Variants in AFF2 observed in about 807,000 individuals in gnomAD.
AFF2 encodes AF4/FMR2 family member 2.
In AFF2, 14 loss-of-function variants were observed where a neutral mutation model predicts 76.9. The observed-to-expected ratio is 0.18, with a 90% CI of 0.12 to 0.28. The LOEUF (loss-of-function observed/expected upper bound fraction) is 0.28, where lower values mean the gene tolerates loss of function less well. Ranked by LOEUF, AFF2 falls within the 10% of genes least tolerant of loss-of-function variation. The pLI, the probability that AFF2 is intolerant of heterozygous loss-of-function variation, is 1.00. For missense variants in AFF2, 868 were observed against 1,001.1 expected (o/e 0.87, Z 1.79); for synonymous variants, 398 against 366.7 (o/e 1.09, Z -0.98).
intron 3 of AFF2, among the ~76,000 whole-genome samples, chrX:148,787,899 G>T (rs986911589): frequency 8.9e-6 from 1 of 112,384 alleles, no homozygotes; most frequent in Admixed American, 9.4e-5. Context: ...TCTAGAGCAA[G>T]GGAGTTATAT....
At chrX:148,652,727 T>C (rs910787915) in intron 2 of AFF2, among the ~76,000 whole-genome samples, 1 of 111,693 alleles carries the variant, frequency 9.0e-6, no homozygotes, top group Non-Finnish European at 1.9e-5. Context: ...CTGACTAGTG[T>C]GTAGCTCCAA....
chrX:148,733,221 T>C (rs2055248246), intron 3 of AFF2, among the ~76,000 whole-genome samples: 2 of 111,872 alleles, frequency 1.8e-5, no homozygotes, highest in Admixed American at 1.9e-4. Context: ...CTTGGCGTTA[T>C]GTGTTAAGAA....
At chrX:148,504,675 C>T (rs1475524528) in intron 1 of AFF2, among the ~76,000 whole-genome samples, 1 of 113,276 alleles carries the variant, frequency 8.8e-6, no homozygotes, top group East Asian at 2.8e-4. Context: ...CCCCCAGGGC[C>T]TGCCCCAGCA....
At chrX:148,764,247 CATT>C (rs1205749992) in intron 3 of AFF2, among the ~76,000 whole-genome samples, 2 of 112,049 alleles carry the variant, frequency 1.8e-5, no homozygotes, top group Non-Finnish European at 3.8e-5. Context: ...ACATTTACAT[CATT>C]GAGTGCAAAG....
intron 4 of AFF2, among the ~76,000 whole-genome samples, chrX:148,816,348 T>C (rs1209412401): frequency 9.0e-6 from 1 of 111,578 alleles, no homozygotes; most frequent in Non-Finnish European, 1.9e-5. Context: ...CTCTCGTTTG[T>C]CATTAGAAGC....
chrX:148,520,298 C>T (rs2052581000), intron 1 of AFF2, among the ~76,000 whole-genome samples: 1 of 112,279 alleles, frequency 8.9e-6, no homozygotes, highest in South Asian at 3.6e-4. Flanking sequence ...GTTCTAGAAG[C>T]TTTTGTGAAT....
intron 3 of AFF2, among the ~76,000 whole-genome samples, chrX:148,779,058 G>T (rs975078824): frequency 4.5e-5 from 5 of 111,222 alleles, no homozygotes; most frequent in Non-Finnish European, 1.9e-5. Context: ...GTTCTCATTG[G>T]TTTCAAAAAA....
chrX:148,790,788 C>T (rs1379539505), intron 3 of AFF2, among the ~76,000 whole-genome samples: 1 of 111,586 alleles, frequency 9.0e-6, no homozygotes, highest in Admixed American at 9.5e-5. Context: ...ATCACCATGG[C>T]ACATGTTTAC....
At chrX:148,600,707 C>T (rs373783040) in intron 1 of AFF2, among the ~76,000 whole-genome samples, 7 of 111,828 alleles carry the variant, frequency 6.3e-5, no homozygotes, top group African/African-American at 2.3e-4. Flanking sequence ...AGAACCTACT[C>T]TTACTTGTTC....
At chrX:148,515,730 T>C (rs1227270305) in intron 1 of AFF2, among the ~76,000 whole-genome samples, 7 of 111,811 alleles carry the variant, frequency 6.3e-5, no homozygotes, top group African/African-American at 2.3e-4. Context: ...GTGCAATGTA[T>C]GATGTGTAAA....
chrX:148,837,105 A>G (rs782531029), intron 4 of AFF2, among the ~76,000 whole-genome samples: 7 of 111,735 alleles, frequency 6.3e-5, no homozygotes, highest in Non-Finnish European at 1.1e-4. Flanking sequence ...CACACGTGGA[A>G]CAGGATACCA....
rs144212876 is a variant in AFF2 at position 148,895,396 on chromosome X, T to C, written c.1360-8825T>C. 3.6e-5 allele frequency among the ~76,000 whole-genome samples: 4 copies of C among 111,910 alleles called. No individual in the cohort carries two copies. In the East Asian group the frequency reaches 8.5e-4, roughly 24 times the overall value. On this transcript the variant is annotated intron_variant, in intron 8 of 20. Coordinates refer to ENST00000370460, the MANE Select transcript of AFF2 (RefSeq NM_002025.4). ...CAGTCCAAGTGTGTTAATACCCATG[T>C]AATTTTATTTGAATATTGACATAAG...
chrX:148,907,685 G>A (rs2071423185), intron 9 of AFF2, among the ~76,000 whole-genome samples: 1 of 111,556 alleles, frequency 9.0e-6, no homozygotes, highest in African/African-American at 3.3e-5. Context: ...GGCAAATGGA[G>A]GCAGGGCGAG....
At chrX:148,976,776 C>T (rs946883664) in intron 16 of AFF2, among the ~76,000 whole-genome samples, 1 of 112,733 alleles carries the variant, frequency 8.9e-6, no homozygotes, top group African/African-American at 3.2e-5. Flanking sequence ...ATCACAATGA[C>T]TTGACATTTC....
chrX:148,522,663 A>G (rs782196581), intron 1 of AFF2, among the ~76,000 whole-genome samples: 3 of 112,272 alleles, frequency 2.7e-5, no homozygotes, highest in East Asian at 5.6e-4. Context: ...TTGCTTATAC[A>G]ATTGTACAGT....
chrX:148,998,529 T>C lies in AFF2; in HGVS notation c.*7197T>C, dbSNP rs1423125144. The C allele has an allele frequency of 8.9e-6, 1 of 112,255 alleles. No homozygotes were observed. The highest frequency in any genetic ancestry group is 1.9e-5 in the Non-Finnish European group (1 of 53,201). 9.3% of individuals were successfully genotyped at this position (112,255 alleles called of 1,213,427 possible). A position where few individuals can be genotyped will look rare whatever the true frequency, so the allele number is the denominator to read the frequency against. ...TCTGTTGAATTCATTTGTCCAATTGTATAACTTTGTGGAGCAGTGTTTTGA... is the reference window on the plus strand; with the variant it reads ...TCTGTTGAATTCATTTGTCCAATTGCATAACTTTGTGGAGCAGTGTTTTGA... On this transcript the variant is annotated 3_prime_UTR_variant, in exon 21 of 21. Transcript: ENST00000370460.
intron 1 of AFF2, among the ~76,000 whole-genome samples, chrX:148,510,042 G>T (rs1406889333): frequency 9.0e-6 from 1 of 111,397 alleles, no homozygotes; most frequent in African/African-American, 3.3e-5. Flanking sequence ...GCTGGATCCT[G>T]CTTTCTCCCT....
intron 1 of AFF2, among the ~76,000 whole-genome samples, chrX:148,597,183 G>T (rs5980543): frequency 9.1e-6 from 1 of 110,088 alleles, no homozygotes; most frequent in African/African-American, 3.3e-5. Flanking sequence ...TGTTTAAGCC[G>T]AAAAATGCTT....
chrX:148,887,222 G>C (rs1557279195), intron 8 of AFF2, among the ~76,000 whole-genome samples: 1 of 112,707 alleles, frequency 8.9e-6, no homozygotes, highest in African/African-American at 3.2e-5. Context: ...TGTTCCCCAA[G>C]GGCTTGCTGT....
Sources: allele counts gnomAD v4.1 joint callset (sites outside exome capture counted in the v4.1 genomes callset), GRCh38; gene constraint gnomAD v4.1.1; transcripts MANE v1.5; gene names NCBI Gene and HGNC (gene_info 2026-07-23, HGNC 2026-07-21).